The following TENM1 variants were observed in gnomAD, a reference collection of about 807,000 sequenced individuals.
TENM1 encodes the protein teneurin transmembrane protein 1, also known as teneurin-1.
TENM1 carries 35 observed loss-of-function variants against 174.8 expected under a neutral mutation model. The observed-to-expected ratio is 0.20, with a 90% CI of 0.15 to 0.27. TENM1 has a LOEUF of 0.27. TENM1 is among the 10% of genes least tolerant of loss of function. The pLI, the probability that TENM1 is intolerant of heterozygous loss-of-function variation, is 1.00. For missense variants in TENM1, 1,633 were observed against 2,130.1 expected (o/e 0.77, Z 4.59); for synonymous variants, 781 against 798.7 (o/e 0.98, Z 0.37).
intron 3 of TENM1, among the ~76,000 whole-genome samples, chrX:124,794,198 G>C (rs1001902592): frequency 9.0e-6 from 1 of 111,061 alleles, no homozygotes; most frequent in African/African-American, 3.3e-5. Context: ...AAAAAGAACT[G>C]TAATGACTCT....
In TENM1 at chrX:124,667,229, A is replaced by T. The variant is rs1403388317; in HGVS notation, c.1168+4454T>A. ...AGACATTATATAACTCAGGTCTAGG[A>T]ATAAGTCTTTTATTTGTTCATATCC... On this transcript the variant is annotated intron_variant, in intron 6 of 31. Coordinates refer to ENST00000422452, the Ensembl canonical transcript of TENM1. Among the ~76,000 whole-genome samples, 6 of 111,444 alleles carry T rather than the reference A, an allele frequency of 5.4e-5. No homozygotes were observed. The Admixed American group carries it at 5.7e-4, about 11-fold the overall frequency.
At chrX:124,477,032 G>A (rs2046741377) in intron 22 of TENM1, among the ~76,000 whole-genome samples, 1 of 112,396 alleles carries the variant, frequency 8.9e-6, no homozygotes, top group South Asian at 3.7e-4. Context: ...ATCAGATAAA[G>A]ACTTCCTCCC....
At chrX:124,944,759 T>A (rs974149853) in intron 1 of TENM1, among the ~76,000 whole-genome samples, 4 of 108,829 alleles carry the variant, frequency 3.7e-5, no homozygotes, top group Non-Finnish European at 7.6e-5. Context: ...ACAATAAAAA[T>A]ATACTAATAA....
chrX:124,610,917 G>C (rs1223780237), intron 11 of TENM1, among the ~76,000 whole-genome samples: 1 of 111,299 alleles, frequency 9.0e-6, no homozygotes. Context: ...AAAGAAATGA[G>C]GGATTTGACT....
intron 4 of TENM1, 42 bp downstream of exon 7, chrX:124,736,915 G>A (rs780147466): frequency 8.5e-7 from 1 of 1,169,855 alleles, no homozygotes. Flanking sequence ...ACCATCCTCT[G>A]CCAATACTTA....
the TENM1 span, among the ~76,000 whole-genome samples, chrX:125,050,917 T>C: frequency 8.9e-6 from 1 of 112,218 alleles, no homozygotes; most frequent in Non-Finnish European, 1.9e-5. Context: ...TGTCCCTGTT[T>C]GCAGATGACA....
At chrX:124,830,921 G>T (rs2056275041) in intron 3 of TENM1, among the ~76,000 whole-genome samples, 1 of 111,421 alleles carries the variant, frequency 9.0e-6, no homozygotes, top group African/African-American at 3.3e-5. Context: ...TTCCATGCTG[G>T]CTTTTGTTTG....
At chrX:124,383,786 T>A (rs1432834385) in exon 30 of TENM1, 1 of 1,210,542 alleles carries the variant, frequency 8.3e-7, no homozygotes, top group Non-Finnish European at 1.1e-6. Context: ...ATAATCCCTT[T>A]GCCCCAGGTG....
chrX:124,739,587 T>TACTCTGCCCAGC (rs1173224907), intron 3 of TENM1, among the ~76,000 whole-genome samples: 1 of 111,937 alleles, frequency 8.9e-6, no homozygotes, highest in Non-Finnish European at 1.9e-5. Flanking sequence ...GAAATCCCAG[T>TACTCTGCCCAGC]ACTCTGCCCA....
At chrX:124,930,938 G>A (rs2058160856) in intron 1 of TENM1, among the ~76,000 whole-genome samples, 2 of 111,560 alleles carry the variant, frequency 1.8e-5, no homozygotes, top group Non-Finnish European at 3.8e-5. Flanking sequence ...CAATGAGGGG[G>A]CATCAAACAG....
chrX:124,789,643 C>T (rs561585755), intron 3 of TENM1, among the ~76,000 whole-genome samples: 3 of 111,307 alleles, frequency 2.7e-5, no homozygotes, highest in East Asian at 2.8e-4. Context: ...TAAAACATAA[C>T]GAGAGTCATC....
At chrX:125,099,385 G>A in the TENM1 span, among the ~76,000 whole-genome samples, 8 of 112,255 alleles carry the variant, frequency 7.1e-5, no homozygotes, top group East Asian at 8.4e-4. Context: ...CCTTTCTTAC[G>A]TATGAAACCA....
At chrX:124,554,337 CAG>C (rs1454499463) in intron 14 of TENM1, among the ~76,000 whole-genome samples, 2 of 111,531 alleles carry the variant, frequency 1.8e-5, no homozygotes, top group African/African-American at 6.5e-5. Context: ...GCAAAGTAGA[CAG>C]ATATCAAGTA....
intron 3 of TENM1, among the ~76,000 whole-genome samples, chrX:124,789,498 C>G (rs766591242): frequency 8.9e-5 from 10 of 111,768 alleles, no homozygotes; most frequent in Non-Finnish European, 1.3e-4. Flanking sequence ...CTTTTAAAAA[C>G]TGAATGCCTT....
rs144040092 is a variant in TENM1 at position 124,438,619 on chromosome X, T to C, written c.4104+14718A>G. Among the ~76,000 whole-genome samples, 710 of 112,091 alleles carry C rather than the reference T, an allele frequency of 6.3e-3. 4 individuals carry two copies. The highest frequency in any genetic ancestry group is 0.02 in the Admixed American group (207 of 10,539). The stretch of plus-strand genomic sequence containing the variant: ...GGAGTTTTATTTATGTGATAAATTA[T>C]GTTTTTGATATAGCATTGAGCACGG... On this transcript the variant is annotated intron_variant, in intron 23 of 31. Coordinates refer to ENST00000422452, the Ensembl canonical transcript of TENM1.
chrX:124,549,343 G>A lies in TENM1; in HGVS notation c.2435-2253C>T, dbSNP rs1367153104. ...GGGCAGTCACTTTTACATTTTTATTGAATACTGAATTTGTTATTGAGCTAA... is the reference window on the plus strand; with the variant it reads ...GGGCAGTCACTTTTACATTTTTATTAAATACTGAATTTGTTATTGAGCTAA... On this transcript the variant is annotated intron_variant, in intron 14 of 31. Transcript: ENST00000422452. Among the ~76,000 whole-genome samples, 3 of 111,805 alleles carry A rather than the reference G, an allele frequency of 2.7e-5. No individual in the cohort carries two copies. In the East Asian group the frequency reaches 8.4e-4, roughly 31 times the overall value.
At chrX:124,865,557 C>T (rs1419168862) in intron 3 of TENM1, among the ~76,000 whole-genome samples, 4 of 111,052 alleles carry the variant, frequency 3.6e-5, no homozygotes, top group Admixed American at 9.6e-5. Flanking sequence ...ACTCATATCA[C>T]CAGAGAATAT....
chrX:124,481,317 G>A (rs1012211795), intron 22 of TENM1, among the ~76,000 whole-genome samples: 18 of 110,950 alleles, frequency 1.6e-4, no homozygotes, highest in Admixed American at 2.9e-4. Context: ...CTTATCGCAA[G>A]CAATGCAGGC....
chrX:125,137,808 T>C, the TENM1 span, among the ~76,000 whole-genome samples: 28 of 111,097 alleles, frequency 2.5e-4, no homozygotes, highest in Non-Finnish European at 1.7e-4. Flanking sequence ...TATAGAACTC[T>C]AGAAGAGTTA....
Sources: gnomAD v4.1 joint callset for allele counts (sites outside exome capture counted in the v4.1 genomes callset) on GRCh38, gnomAD v4.1.1 for gene constraint, MANE v1.5 for transcripts, NCBI Gene and HGNC (gene_info 2026-07-23, HGNC 2026-07-21) for gene names.